SEMA3D: variants seen among roughly 807,000 people sequenced by gnomAD.
The protein encoded by SEMA3D is semaphorin 3D.
A neutral mutation model predicts 100.1 loss-of-function variants in SEMA3D; 84 were observed. The ratio of observed to expected loss-of-function variants is 0.84; its 90% CI spans 0.70 to 1.01. The LOEUF (loss-of-function observed/expected upper bound fraction) is 1.01, where lower values mean the gene tolerates loss of function less well. Among genes scored for constraint, SEMA3D ranks in the 50% least tolerant of loss-of-function variants. The pLI is 0.00. For missense variants in SEMA3D, 875 were observed against 934.1 expected (o/e 0.94, Z 0.82); for synonymous variants, 312 against 320.7 (o/e 0.97, Z 0.29).
chr7:85,030,681 T>C (rs1317729110), intron 12 of SEMA3D, among the ~76,000 whole-genome samples: 1 of 152,048 alleles, frequency 6.6e-6, no homozygotes, highest in Non-Finnish European at 1.5e-5. Context: ...TTTACACTTA[T>C]GCATAAATCT....
At chr7:85,231,658 G>A in the SEMA3D span, among the ~76,000 whole-genome samples, 22 of 151,980 alleles carry the variant, frequency 1.4e-4, no homozygotes, top group Non-Finnish European at 7.4e-5. Flanking sequence ...CACTGTGTTA[G>A]CCAGGATGGT....
the SEMA3D span, among the ~76,000 whole-genome samples, chr7:85,216,356 G>T: frequency 9.3e-6 from 1 of 107,642 alleles, no homozygotes; most frequent in Non-Finnish European, 1.9e-5. Context: ...AAATAAGAGT[G>T]TTGTGTGTGT....
In SEMA3D at chr7:85,044,101, A is replaced by G. The variant is rs142460578; in HGVS notation, c.862-1816T>C. On this transcript the variant is annotated intron_variant, in intron 9 of 18. Coordinates refer to ENST00000284136, the MANE Select transcript of SEMA3D (RefSeq NM_001384900.1). Reference sequence around the variant, plus strand: ...ATTATATAAAATCATTTATCCTTCAATCTATGTTCTGTAAAGTTAATGAGA... The same window carrying G: ...ATTATATAAAATCATTTATCCTTCAGTCTATGTTCTGTAAAGTTAATGAGA... Among the ~76,000 whole-genome samples the G allele has an allele frequency of 5.7e-3, 862 of 152,054 alleles. 12 individuals carry two copies. The highest frequency in any genetic ancestry group is 0.019 in the African/African-American group (784 of 41,548).
At chr7:85,147,196 G>A (rs542844822) in intron 2 of SEMA3D, among the ~76,000 whole-genome samples, 7 of 136,430 alleles carry the variant, frequency 5.1e-5, no homozygotes, top group East Asian at 2.4e-4. Flanking sequence ...TCTGCCTCCC[G>A]GGTTCAAGTG....
At position 85,166,877 on chromosome 7, in the gene SEMA3D, G is replaced by A. The variant is rs181768848; in HGVS notation, c.-172-13138C>T. 4.6e-5 allele frequency among the ~76,000 whole-genome samples: 7 copies of A among 152,120 alleles called. No homozygotes were observed. In the East Asian group the frequency reaches 5.8e-4, roughly 13 times the overall value. On this transcript the variant is annotated intron_variant, in intron 1 of 18. Transcript: ENST00000284136. ...TCTGAAGGGCTGGAAGAACTTTAAAGTGGATAAGAAAACATGAGTTAGAGG... is the reference window on the plus strand; with the variant it reads ...TCTGAAGGGCTGGAAGAACTTTAAAATGGATAAGAAAACATGAGTTAGAGG...
chr7:85,074,641 T>A lies in SEMA3D; in HGVS notation c.376-1560A>T, dbSNP rs530248092. Among the ~76,000 whole-genome samples the A allele has an allele frequency of 4.5e-3, 678 of 150,382 alleles. 4 individuals carry two copies. Among genetic ancestry groups the A allele is most frequent in the East Asian group, 0.029 (149 of 5,090 alleles). On this transcript the variant is annotated intron_variant, in intron 5 of 18. Transcript: ENST00000284136. ...AACTGGCATATATATATATATATTT[T>A]TTTTTTTTCTTTGAGACAGGCTGCT...
chr7:85,178,529 C>T (rs1175900883), intron 1 of SEMA3D, among the ~76,000 whole-genome samples: 1 of 152,070 alleles, frequency 6.6e-6, no homozygotes, highest in East Asian at 1.9e-4. Context: ...TTTGCCTCAG[C>T]CCCAGAGATC....
chr7:85,245,900 T>C, the SEMA3D span, among the ~76,000 whole-genome samples: 1 of 152,086 alleles, frequency 6.6e-6, no homozygotes, highest in Non-Finnish European at 1.5e-5. Context: ...TTTAAGCAAC[T>C]AGGTGAGATT....
chr7:85,213,568 T>C, the SEMA3D span, among the ~76,000 whole-genome samples: 24,333 of 151,984 alleles, frequency 0.16, 2,424 homozygotes, highest in Non-Finnish European at 0.23. Flanking sequence ...GATTTTCTAA[T>C]TATTCAGTGT....
intron 1 of SEMA3D, among the ~76,000 whole-genome samples, chr7:85,176,416 C>G (rs1032379468): frequency 2.0e-5 from 3 of 152,038 alleles, no homozygotes; most frequent in African/African-American, 7.2e-5. Flanking sequence ...TTTTTCCAAA[C>G]AAGTTCTTGA....
intron 17 of SEMA3D, 76 bp downstream of exon 17, chr7:85,012,706 G>T: frequency 9.1e-7 from 1 of 1,103,548 alleles, no homozygotes. Flanking sequence ...GATGGTTTAA[G>T]TCATATAATA....
chr7:85,249,770 T>TCA, the SEMA3D span, among the ~76,000 whole-genome samples: 11 of 152,148 alleles, frequency 7.2e-5, no homozygotes, highest in Non-Finnish European at 1.3e-4. Flanking sequence ...GATTCAGAAC[T>TCA]CCATTTTCTC....
chr7:85,064,425 G>T lies in SEMA3D; in HGVS notation c.718+999C>A, dbSNP rs1307637178. Among the ~76,000 whole-genome samples, 3 of 152,088 alleles carry T rather than the reference G, an allele frequency of 2.0e-5. No homozygotes were observed. The South Asian group carries it at 6.2e-4, about 31-fold the overall frequency. On this transcript the variant is annotated intron_variant, in intron 8 of 18. Coordinates refer to ENST00000284136, the MANE Select transcript of SEMA3D (RefSeq NM_001384900.1). ...TTCCCTTTTAAGACTACCTATTAAG[G>T]GTACTTTTTTTGGCTGATGAGAATC...
upstream of SEMA3D, among the ~76,000 whole-genome samples, chr7:85,191,431 A>G (rs987920): frequency 0.03 from 4,587 of 152,296 alleles, 533 homozygotes; most frequent in East Asian, 0.3. Context: ...AAATACTTTC[A>G]TACTACCACC....
At chr7:85,191,522 A>G (rs557606206), upstream of SEMA3D, among the ~76,000 whole-genome samples, 4 of 152,288 alleles carry the variant, frequency 2.6e-5, no homozygotes, top group South Asian at 8.3e-4. Context: ...TGTGATACCC[A>G]GCTGAGGCAA....
chr7:85,132,097 T>G (rs1207391759), intron 2 of SEMA3D, among the ~76,000 whole-genome samples: 1 of 151,922 alleles, frequency 6.6e-6, no homozygotes, highest in Non-Finnish European at 1.5e-5. Flanking sequence ...ATGATCAATT[T>G]TTGAAACTAT....
rs1275745628 is a variant in SEMA3D at position 85,102,796 on chromosome 7, T to TA, written c.152-4832dup. 2.6e-5 allele frequency among the ~76,000 whole-genome samples: 4 copies of TA among 152,158 alleles called. 1 individual carries two copies. Among genetic ancestry groups the TA allele is most frequent in the African/African-American group, 7.2e-5 (3 of 41,544 alleles). ...TTTATGTCATTTTTTTGTCTTTACT[T>TA]ACACAGTGAGAAAAATAAATATAAA... On this transcript the variant is annotated intron_variant, in intron 3 of 18. Coordinates refer to ENST00000284136, the MANE Select transcript of SEMA3D (RefSeq NM_001384900.1).
At chr7:85,028,409 G>T in intron 12 of SEMA3D, 1 of 457,648 alleles carries the variant, frequency 2.2e-6, no homozygotes, top group Non-Finnish European at 3.9e-6. Context: ...AAAAAGGTTG[G>T]AGCTGAAAGA....
chr7:85,003,704 A>G (rs753920373), intron 18 of SEMA3D, among the ~76,000 whole-genome samples: 3 of 152,098 alleles, frequency 2.0e-5, no homozygotes, highest in Non-Finnish European at 4.4e-5. Flanking sequence ...AAGCAATGAC[A>G]GACAAGACAA....
Sources: gnomAD v4.1 joint callset for allele counts (sites outside exome capture counted in the v4.1 genomes callset) on GRCh38, gnomAD v4.1.1 for gene constraint, MANE v1.5 for transcripts, NCBI Gene and HGNC (gene_info 2026-07-23, HGNC 2026-07-21) for gene names.